RORA: variants seen among roughly 807,000 people sequenced by gnomAD.
The protein encoded by RORA is RAR related orphan receptor A, also known as nuclear receptor ROR-alpha.
RORA carries 7 observed loss-of-function variants against 69.5 expected under a neutral mutation model. That is an observed-to-expected ratio of 0.10 (90% CI 0.06 to 0.19). RORA has a LOEUF of 0.19. Among genes scored for constraint, RORA ranks in the 10% least tolerant of loss-of-function variants. The pLI is 1.00. For missense variants in RORA, 457 were observed against 663.0 expected, an observed-to-expected ratio of 0.69 and a Z score of 3.41; for synonymous variants, 261 against 240.8, an observed-to-expected ratio of 1.08 and a Z score of -0.78.
At chr15:60,820,906 G>A (rs780526660) in intron 1 of RORA, among the ~76,000 whole-genome samples, 15 of 152,176 alleles carry the variant, frequency 9.9e-5, no homozygotes, top group Non-Finnish European at 1.6e-4. Flanking sequence ...TTCCCTGAAG[G>A]ATTCTGGTTG....
intron 1 of RORA, among the ~76,000 whole-genome samples, chr15:60,898,170 G>A (rs756572311): frequency 2.0e-5 from 3 of 152,160 alleles, no homozygotes; most frequent in Non-Finnish European, 4.4e-5. Flanking sequence ...AAGAAGCAGA[G>A]GCTCAGCTTG....
At chr15:61,097,768 C>T (rs553031968) in intron 1 of RORA, among the ~76,000 whole-genome samples, 20 of 149,990 alleles carry the variant, frequency 1.3e-4, no homozygotes, top group African/African-American at 5.0e-4. Flanking sequence ...CAAGGACTAA[C>T]TAGTGTTAAT....
chr15:60,761,108 GA>G (rs2071881395), intron 1 of RORA, among the ~76,000 whole-genome samples: 1 of 152,062 alleles, frequency 6.6e-6, no homozygotes, highest in Non-Finnish European at 1.5e-5. Context: ...GGAGAGGGAG[GA>G]GTTGAATGAA....
chr15:60,728,615 G>A (rs1043853256), intron 1 of RORA, among the ~76,000 whole-genome samples: 3 of 151,360 alleles, frequency 2.0e-5, no homozygotes, highest in African/African-American at 4.9e-5. Flanking sequence ...AAAAGATTAT[G>A]TCTCCCATTT....
intron 1 of RORA, among the ~76,000 whole-genome samples, chr15:61,102,220 C>T (rs1006768448): frequency 1.3e-5 from 2 of 152,080 alleles, no homozygotes; most frequent in Non-Finnish European, 2.9e-5. Flanking sequence ...GTGCAGACAC[C>T]CACTCTTGGG....
At chr15:61,122,196 A>G (rs1436487495) in intron 1 of RORA, among the ~76,000 whole-genome samples, 2 of 152,192 alleles carry the variant, frequency 1.3e-5, no homozygotes, top group Non-Finnish European at 2.9e-5. Context: ...TTTGAGCTGA[A>G]AAGTTCGGGA....
At chr15:61,077,856 T>G (rs937843322) in intron 1 of RORA, among the ~76,000 whole-genome samples, 1 of 152,218 alleles carries the variant, frequency 6.6e-6, no homozygotes, top group African/African-American at 2.4e-5. Flanking sequence ...TACCCTCACA[T>G]GCAGGCCTGC....
chr15:61,034,444 C>T (rs1164797750), intron 1 of RORA, among the ~76,000 whole-genome samples: 2 of 152,140 alleles, frequency 1.3e-5, no homozygotes, highest in Non-Finnish European at 2.9e-5. Flanking sequence ...TAACTGATCA[C>T]TTCTGAACGA....
intron 1 of RORA, among the ~76,000 whole-genome samples, chr15:60,803,814 A>G (rs2072620786): frequency 6.6e-6 from 1 of 152,220 alleles, no homozygotes; most frequent in African/African-American, 2.4e-5. Context: ...AAGAGATGGC[A>G]CAGAAACAAC....
chr15:61,027,800 A>G (rs1171572488), intron 1 of RORA, among the ~76,000 whole-genome samples: 1 of 152,188 alleles, frequency 6.6e-6, no homozygotes, highest in Non-Finnish European at 1.5e-5. Flanking sequence ...TAAAGGCCAA[A>G]TTACATTTTC....
chr15:60,524,796 C>T (rs1212630193), intron 3 of RORA, among the ~76,000 whole-genome samples: 1 of 152,224 alleles, frequency 6.6e-6, no homozygotes, highest in Non-Finnish European at 1.5e-5. Context: ...CTACTAGGCA[C>T]CATGTTGGAC....
chr15:60,751,416 G>A (rs2071721687), intron 1 of RORA, among the ~76,000 whole-genome samples: 1 of 152,184 alleles, frequency 6.6e-6, no homozygotes, highest in Non-Finnish European at 1.5e-5. Flanking sequence ...TAATAACAAT[G>A]AGAATAATAA....
chr15:60,919,777 T>C (rs1341607837), intron 1 of RORA, among the ~76,000 whole-genome samples: 1 of 152,236 alleles, frequency 6.6e-6, no homozygotes, highest in Non-Finnish European at 1.5e-5. Flanking sequence ...TTCATTACGG[T>C]TTTCTTTTCC....
Position 61,059,907 on chromosome 15 carries a change from CGAAGAA to C in RORA, c.166+169140_166+169145del, listed in dbSNP as rs57030654. Among the ~76,000 whole-genome samples, 153 of 126,876 alleles carry C rather than the reference CGAAGAA, an allele frequency of 1.2e-3. 5 individuals carry two copies. In the East Asian group the frequency reaches 0.02, roughly 16 times the overall value. The allele number at this position is 126,876 out of a possible 152,430, so 83.2% of individuals were successfully genotyped here. On this transcript the variant is annotated intron_variant, in intron 1 of 10. Coordinates refer to ENST00000335670, the MANE Select transcript of RORA (RefSeq NM_134261.3). ...AAGGATGAATTAAAACAGTTCCACA[CGAAGAA>C]GAAGAAGAAGAAGAAGAAGAACAAG...
chr15:61,045,498 GT>G (rs1182476103), intron 1 of RORA, among the ~76,000 whole-genome samples: 1 of 152,222 alleles, frequency 6.6e-6, no homozygotes, highest in East Asian at 1.9e-4. Context: ...CTGCGCTGAA[GT>G]AAAAAGGCTG....
chr15:60,592,892 A>G, intron 2 of RORA: 1 of 457,234 alleles, frequency 2.2e-6, no homozygotes, highest in Non-Finnish European at 4.4e-6. Context: ...GTGGGGCAAG[A>G]GGCTCGCAAC....
At chr15:60,843,099 G>C (rs1278556872) in intron 1 of RORA, among the ~76,000 whole-genome samples, 1 of 152,094 alleles carries the variant, frequency 6.6e-6, no homozygotes, top group Admixed American at 6.5e-5. Context: ...CAAGAAGCTG[G>C]GTTCTGCCGC....
chr15:61,019,703 T>C (rs1895437220), intron 1 of RORA, among the ~76,000 whole-genome samples: 1 of 152,158 alleles, frequency 6.6e-6, no homozygotes, highest in Non-Finnish European at 1.5e-5. Flanking sequence ...ACATCTGTAC[T>C]TATCCATGGG....
At chr15:61,080,373 T>C (rs2078521651) in intron 1 of RORA, among the ~76,000 whole-genome samples, 1 of 152,192 alleles carries the variant, frequency 6.6e-6, no homozygotes, top group Non-Finnish European at 1.5e-5. Flanking sequence ...CTATACCCCC[T>C]GCCAGAGTGA....
Sources: allele counts gnomAD v4.1 joint callset (sites outside exome capture counted in the v4.1 genomes callset), GRCh38; gene constraint gnomAD v4.1.1; transcripts MANE v1.5; gene names NCBI Gene and HGNC (gene_info 2026-07-23, HGNC 2026-07-21).